Variants in C21orf91 observed in about 807,000 individuals in gnomAD.
C21orf91 encodes chromosome 21 open reading frame 91, also known as protein EURL homolog.
A neutral mutation model predicts 32.9 loss-of-function variants in C21orf91; 26 were observed. That is an observed-to-expected ratio of 0.79 (90% CI 0.58 to 1.10). The LOEUF (loss-of-function observed/expected upper bound fraction) is 1.10. C21orf91 is among the 50% of genes least tolerant of loss of function. The probability of loss-of-function intolerance (pLI) is 0.00; values close to 1 mark genes in which losing one functional copy is unlikely to be tolerated. For missense variants in C21orf91, 310 were observed against 341.3 expected (o/e 0.91, Z 0.72); for synonymous variants, 126 against 120.4 (o/e 1.05, Z -0.31).
At position 17,819,329 on chromosome 21, in the gene C21orf91, C is replaced by A. The variant is rs924553160; in HGVS notation, c.-34G>T. The stretch of plus-strand genomic sequence containing the variant: ...GTCCGGCTCCGCGGGCCACCACCGC[C>A]GTTCCGTGCGGCTCGGGTTCCTCCA... On this transcript the variant is annotated 5_prime_UTR_variant, in exon 1 of 5. Coordinates refer to ENST00000284881, the MANE Select transcript of C21orf91 (RefSeq NM_001100420.2). 2.0e-5 allele frequency: 3 copies of A among 152,442 alleles called. No homozygotes were observed. Among genetic ancestry groups the A allele is most frequent in the Admixed American group, 2.0e-4 (3 of 15,288 alleles). 9.4% of individuals were successfully genotyped at this position (152,442 alleles called of 1,614,324 possible). A position where few individuals can be genotyped will look rare whatever the true frequency, so the allele number is the denominator to read the frequency against.
Position 17,792,820 on chromosome 21 carries a change from T to C in C21orf91, c.*595A>G, listed in dbSNP as rs971292022. On this transcript the variant is annotated 3_prime_UTR_variant, in exon 5 of 5. Transcript: ENST00000284881. ...CAACTCAGATTTCTAATCCAAAATATATTTATCTTTGGAAAGCAAGGTAAC... is the reference window on the plus strand; with the variant it reads ...CAACTCAGATTTCTAATCCAAAATACATTTATCTTTGGAAAGCAAGGTAAC... 20 of 152,730 alleles carry C rather than the reference T, an allele frequency of 1.3e-4. No homozygotes were observed. The highest frequency in any genetic ancestry group is 4.8e-4 in the African/African-American group (20 of 41,576). 9.5% of individuals were successfully genotyped at this position (152,730 alleles called of 1,614,324 possible). A position where few individuals can be genotyped will look rare whatever the true frequency, so the allele number is the denominator to read the frequency against.
At chr21:17,795,498 A>G (rs895349580) in intron 3 of C21orf91, among the ~76,000 whole-genome samples, 3 of 152,206 alleles carry the variant, frequency 2.0e-5, no homozygotes, top group Non-Finnish European at 2.9e-5. Context: ...TTTTTGAGAC[A>G]GGGTCTCACT....
Position 17,795,229 on chromosome 21 carries a change from T to C in C21orf91, c.706A>G (p.Lys236Glu). 1 of 1,611,276 alleles carries C rather than the reference T, an allele frequency of 6.2e-7. No homozygotes were observed. Among genetic ancestry groups the C allele is most frequent in the Non-Finnish European group, 8.5e-7 (1 of 1,177,642 alleles). The change falls in exon 4 of 5, where the codon AAG (lysine) becomes GAG (glutamate). Residue 236 changes from lysine (K) to glutamate (E), a missense_variant. Lys to Glu is a moderately conservative substitution (Grantham distance 56). Transcript: ENST00000284881. ...TTACCCTGGATTTGCTGTAGGAGCTTTGCATTCAGTTGCTCTACCTCACCA... is the reference window on the plus strand; with the variant it reads ...TTACCCTGGATTTGCTGTAGGAGCTCTGCATTCAGTTGCTCTACCTCACCA... ...TLGEVEQLNA[K>E]LLQQIQEVFE...
chr21:17,815,954 C>T (rs993493248), intron 2 of C21orf91, among the ~76,000 whole-genome samples: 2 of 152,128 alleles, frequency 1.3e-5, no homozygotes, highest in Non-Finnish European at 2.9e-5. Context: ...GCTACTGTGC[C>T]GGCCTACAAA....
chr21:17,795,086 T>C, intron 4 of C21orf91, 122 bp downstream of exon 4: 1 of 731,030 alleles, frequency 1.4e-6, no homozygotes, highest in South Asian at 1.5e-5. Flanking sequence ...CTGGAAACTC[T>C]AACAGGTTTG....
At chr21:17,803,830 G>A (rs898034656) in intron 2 of C21orf91, among the ~76,000 whole-genome samples, 6 of 152,120 alleles carry the variant, frequency 3.9e-5, no homozygotes, top group African/African-American at 1.4e-4. Context: ...AAGCCCTGTG[G>A]GTAGAAGTGG....
At chr21:17,809,146 T>C (rs1020163724) in intron 2 of C21orf91, among the ~76,000 whole-genome samples, 2 of 152,132 alleles carry the variant, frequency 1.3e-5, no homozygotes, top group Admixed American at 1.3e-4. Flanking sequence ...AATTACCCAG[T>C]CTCAGGTAGT....
At chr21:17,815,611 A>C (rs2062660417) in intron 2 of C21orf91, among the ~76,000 whole-genome samples, 1 of 152,226 alleles carries the variant, frequency 6.6e-6, no homozygotes, top group African/African-American at 2.4e-5. Context: ...TGATATAAAA[A>C]CTAAAATTTT....
At chr21:17,805,320 T>C (rs1349448427) in intron 2 of C21orf91, among the ~76,000 whole-genome samples, 2 of 152,090 alleles carry the variant, frequency 1.3e-5, no homozygotes, top group African/African-American at 2.4e-5. Context: ...GACTGACTGA[T>C]TGATTGATTT....
intron 2 of C21orf91, 37 bp downstream of exon 2, chr21:17,818,155 T>C (rs1224874850): frequency 1.9e-6 from 3 of 1,540,330 alleles, no homozygotes; most frequent in East Asian, 2.3e-5. Context: ...CTGTGTTAAA[T>C]TCATTCCATA....
At chr21:17,795,849 G>A (rs2146246112) in intron 3 of C21orf91, among the ~76,000 whole-genome samples, 1 of 152,230 alleles carries the variant, frequency 6.6e-6, no homozygotes, top group South Asian at 2.1e-4. Flanking sequence ...AATAGTAGTA[G>A]GTCCAATGAA....
At position 17,795,408 on chromosome 21, in the gene C21orf91, C is replaced by T. The variant is rs865796485; in HGVS notation, c.665-138G>A. 20 of 646,196 alleles carry T rather than the reference C, an allele frequency of 3.1e-5. No individual in the cohort carries two copies. The Middle Eastern group carries it at 1.2e-3, about 38-fold the overall frequency. The allele number at this position is 646,196 out of a possible 1,614,324, so 40.0% of individuals were successfully genotyped here. A position where few individuals can be genotyped will look rare whatever the true frequency, so the allele number is the denominator to read the frequency against. Reference sequence around the variant, plus strand: ...CATTCAGCAGTACTCCAGTATTCAACCATTAACGCTCGTAAGTGTGGAGTA... The same window carrying T: ...CATTCAGCAGTACTCCAGTATTCAATCATTAACGCTCGTAAGTGTGGAGTA... On this transcript the variant is annotated intron_variant, in intron 3 of 4. Coordinates refer to ENST00000284881, the MANE Select transcript of C21orf91 (RefSeq NM_001100420.2).
intron 2 of C21orf91, among the ~76,000 whole-genome samples, chr21:17,813,175 T>TACAG (rs1276253083): frequency 6.6e-6 from 1 of 152,230 alleles, no homozygotes; most frequent in Non-Finnish European, 1.5e-5. Context: ...ATTAGCTCTT[T>TACAG]ACAGCTTCCT....
chr21:17,793,317 C>T lies in C21orf91; in HGVS notation c.*98G>A. The T allele has an allele frequency of 1.2e-6, 1 of 869,292 alleles. No homozygotes were observed. The highest frequency in any genetic ancestry group is 1.7e-6 in the Non-Finnish European group (1 of 595,996). 53.8% of individuals were successfully genotyped at this position (869,292 alleles called of 1,614,324 possible). Reference sequence around the variant, plus strand: ...CCTTATGTTTGGCAAATTTAATGACCATAAAAAAACGGACCACAACTTTCT... The same window carrying T: ...CCTTATGTTTGGCAAATTTAATGACTATAAAAAAACGGACCACAACTTTCT... On this transcript the variant is annotated 3_prime_UTR_variant, in exon 5 of 5. Coordinates refer to ENST00000284881, the MANE Select transcript of C21orf91 (RefSeq NM_001100420.2).
intron 2 of C21orf91, among the ~76,000 whole-genome samples, chr21:17,799,337 T>G (rs1455451330): frequency 6.6e-6 from 1 of 152,194 alleles, no homozygotes; most frequent in Non-Finnish European, 1.5e-5. Flanking sequence ...TAGATGTACC[T>G]ATTGGCTCCT....
intron 2 of C21orf91, among the ~76,000 whole-genome samples, chr21:17,801,162 A>C (rs1041085460): frequency 1.3e-5 from 2 of 152,218 alleles, no homozygotes; most frequent in Non-Finnish European, 2.9e-5. Context: ...AATGCCCATG[A>C]AAGATAGATT....
intron 2 of C21orf91, among the ~76,000 whole-genome samples, chr21:17,806,275 CAA>C (rs1224211725): frequency 6.6e-6 from 1 of 152,006 alleles, no homozygotes; most frequent in Non-Finnish European, 1.5e-5. Flanking sequence ...CTGGTGAGAG[CAA>C]AAGAGGGTGG....
In C21orf91 at chr21:17,818,123, C is replaced by T. The variant is rs1004806436; in HGVS notation, c.127+69G>A. 5 of 1,155,484 alleles carry T rather than the reference C, an allele frequency of 4.3e-6. No homozygotes were observed. The East Asian group carries it at 1.2e-4, about 29-fold the overall frequency. The allele number at this position is 1,155,484 out of a possible 1,614,324, so 71.6% of individuals were successfully genotyped here. A position where few individuals can be genotyped will look rare whatever the true frequency, so the allele number is the denominator to read the frequency against. ...AATCATTGAAGACATTTTAGTTTTA[C>T]CTTACAATCAGTACAAAGCAGCTGT... is the stretch of plus-strand genomic sequence containing the variant. On this transcript the variant is annotated intron_variant, in intron 2 of 4. Transcript: ENST00000284881.
rs547800929 is a variant in C21orf91 at position 17,789,348 on chromosome 21, G to C, written c.*4067C>G. ...TCTAAATTGCCTCTTTTGGAGGTAC[G>C]GTGAAAGAAAAACATTCTAGATGCG... On this transcript the variant is annotated 3_prime_UTR_variant, in exon 5 of 5. Coordinates refer to ENST00000284881, the MANE Select transcript of C21orf91 (RefSeq NM_001100420.2). 4.0e-5 allele frequency: 6 copies of C among 151,530 alleles called. No individual in the cohort carries two copies. Among genetic ancestry groups the C allele is most frequent in the African/African-American group, 1.5e-4 (6 of 41,150 alleles). 9.4% of individuals were successfully genotyped at this position (151,530 alleles called of 1,614,324 possible).
Sources: allele counts gnomAD v4.1 joint callset (sites outside exome capture counted in the v4.1 genomes callset), GRCh38; gene constraint gnomAD v4.1.1; transcripts MANE v1.5; gene names NCBI Gene and HGNC (gene_info 2026-07-23, HGNC 2026-07-21).